ADAMTSL3: variants seen among roughly 807,000 people sequenced by gnomAD.
ADAMTSL3 encodes ADAMTS like 3.
Under a neutral mutation model 201.7 loss-of-function variants are expected in ADAMTSL3, and 128 were observed. The ratio of observed to expected loss-of-function variants is 0.63; its 90% CI spans 0.55 to 0.73. ADAMTSL3 has a LOEUF of 0.73. Ranked by LOEUF, ADAMTSL3 falls within the 30% of genes least tolerant of loss-of-function variation. ADAMTSL3 has a pLI of 0.00. For missense variants in ADAMTSL3, 1,990 were observed against 2,119.6 expected (o/e 0.94, Z 1.20); for synonymous variants, 738 against 748.4 (o/e 0.99, Z 0.23).
intron 7 of ADAMTSL3, among the ~76,000 whole-genome samples, chr15:83,845,933 T>C (rs952839467): frequency 2.0e-5 from 3 of 152,184 alleles, no homozygotes; most frequent in African/African-American, 7.2e-5. Flanking sequence ...AAGAACCTCA[T>C]GCACCTGGCC....
At chr15:83,748,212 A>G (rs73437208) in intron 3 of ADAMTSL3, among the ~76,000 whole-genome samples, 3,911 of 152,290 alleles carry the variant, frequency 0.026, 172 homozygotes, top group African/African-American at 0.086. Flanking sequence ...TTAGGGAACT[A>G]TAGTCTAGCA....
chr15:83,843,254 A>T (rs117126689), intron 7 of ADAMTSL3, among the ~76,000 whole-genome samples: 36 of 150,348 alleles, frequency 2.4e-4, no homozygotes, highest in African/African-American at 6.4e-4. Flanking sequence ...TTTTTTTTAA[A>T]AAAAATCAAT....
intron 3 of ADAMTSL3, among the ~76,000 whole-genome samples, chr15:83,722,358 C>T (rs1323490675): frequency 6.6e-6 from 1 of 152,126 alleles, no homozygotes; most frequent in Non-Finnish European, 1.5e-5. Flanking sequence ...TGCTATAAGA[C>T]AGCTTTGATT....
intron 2 of ADAMTSL3, among the ~76,000 whole-genome samples, chr15:83,665,025 A>G (rs1749916488): frequency 6.6e-6 from 1 of 152,170 alleles, no homozygotes; most frequent in East Asian, 1.9e-4. Flanking sequence ...TTGCGACACC[A>G]TTGGACCATG....
At chr15:83,831,306 C>A (rs1375205702) in intron 6 of ADAMTSL3, among the ~76,000 whole-genome samples, 1 of 152,036 alleles carries the variant, frequency 6.6e-6, no homozygotes, top group Non-Finnish European at 1.5e-5. Flanking sequence ...CACAAGTCAA[C>A]CCACTACACA....
At chr15:83,829,445 C>CT (rs1231975044) in intron 6 of ADAMTSL3, among the ~76,000 whole-genome samples, 16 of 152,220 alleles carry the variant, frequency 1.1e-4, no homozygotes, top group African/African-American at 3.9e-4. Context: ...TGCTAGCAGT[C>CT]TATCAATTTT....
chr15:83,658,232 C>T (rs1009388438), intron 2 of ADAMTSL3, among the ~76,000 whole-genome samples: 2 of 152,156 alleles, frequency 1.3e-5, no homozygotes, highest in African/African-American at 4.8e-5. Context: ...GTCTCAGCCT[C>T]TGAGTAGCTG....
chr15:83,777,397 C>G (rs1596188897), intron 4 of ADAMTSL3, among the ~76,000 whole-genome samples: 1 of 152,116 alleles, frequency 6.6e-6, no homozygotes, highest in South Asian at 2.1e-4. Flanking sequence ...AACATTTTGG[C>G]CCCTGCAGTG....
At chr15:83,789,640 A>G (rs1301444377) in intron 4 of ADAMTSL3, among the ~76,000 whole-genome samples, 1 of 152,112 alleles carries the variant, frequency 6.6e-6, no homozygotes, top group Non-Finnish European at 1.5e-5. Context: ...TGAGTCCAAT[A>G]TTTTAGGAAC....
chr15:83,883,716 C>T lies in ADAMTSL3; in HGVS notation c.961-1385C>T, dbSNP rs546909216. Reference sequence around the variant, plus strand: ...AGCTGGGACTACAGGTGCATGCCACCACACCTGGCTAATTTTAAACTTTTT... The same window carrying T: ...AGCTGGGACTACAGGTGCATGCCACTACACCTGGCTAATTTTAAACTTTTT... On this transcript the variant is annotated intron_variant, in intron 9 of 29. Coordinates refer to ENST00000286744, the MANE Select transcript of ADAMTSL3 (RefSeq NM_207517.3). Among the ~76,000 whole-genome samples the T allele has an allele frequency of 2.9e-4, 44 of 151,868 alleles. No homozygotes were observed. The South Asian group carries it at 9.2e-3, about 32-fold the overall frequency.
At chr15:83,827,926 T>C (rs1195874229) in intron 6 of ADAMTSL3, among the ~76,000 whole-genome samples, 1 of 152,242 alleles carries the variant, frequency 6.6e-6, no homozygotes, top group African/African-American at 2.4e-5. Flanking sequence ...TGTAGCCTTG[T>C]AGTATAGTTT....
chr15:83,792,149 T>G (rs1295030035), intron 4 of ADAMTSL3, among the ~76,000 whole-genome samples: 1 of 152,052 alleles, frequency 6.6e-6, no homozygotes, highest in Non-Finnish European at 1.5e-5. Flanking sequence ...CCAAAATATA[T>G]GACAAACTCA....
At chr15:83,983,671 TTATTAA>T (rs1180384115) in intron 21 of ADAMTSL3, among the ~76,000 whole-genome samples, 14 of 152,338 alleles carry the variant, frequency 9.2e-5, no homozygotes, top group Admixed American at 5.9e-4. Flanking sequence ...AAAAGTAAGC[TTATTAA>T]TAGTAATCCT....
At chr15:83,970,761 A>T in intron 20 of ADAMTSL3, 124 bp downstream of exon 20, 1 of 1,262,660 alleles carries the variant, frequency 7.9e-7, no homozygotes, top group South Asian at 1.5e-5. Flanking sequence ...AGCTGTACTC[A>T]GTGTTGTTTT....
intron 7 of ADAMTSL3, among the ~76,000 whole-genome samples, chr15:83,852,446 A>G (rs1204583667): frequency 6.6e-6 from 1 of 152,192 alleles, no homozygotes; most frequent in African/African-American, 2.4e-5. Flanking sequence ...ATAAAAGGAC[A>G]TTACATAATT....
At chr15:83,960,126 A>G (rs139046766) in intron 19 of ADAMTSL3, among the ~76,000 whole-genome samples, 179 of 152,342 alleles carry the variant, frequency 1.2e-3, no homozygotes, top group African/African-American at 4.1e-3. Flanking sequence ...TTTATTCAAA[A>G]GCTTACAAAA....
At chr15:83,699,102 G>A (rs1240848477) in intron 2 of ADAMTSL3, among the ~76,000 whole-genome samples, 1 of 151,796 alleles carries the variant, frequency 6.6e-6, no homozygotes, top group Non-Finnish European at 1.5e-5. Context: ...GTAAATATAT[G>A]TAAATATACA....
chr15:83,910,873 C>G (rs2065919935), intron 15 of ADAMTSL3, among the ~76,000 whole-genome samples: 5 of 151,630 alleles, frequency 3.3e-5, no homozygotes, highest in Admixed American at 3.3e-4. Flanking sequence ...CTCCTGACCT[C>G]AGGTGATTCG....
chr15:83,847,863 T>C (rs2064531448), intron 7 of ADAMTSL3, among the ~76,000 whole-genome samples: 1 of 152,036 alleles, frequency 6.6e-6, no homozygotes, highest in Non-Finnish European at 1.5e-5. Context: ...ACAAACACTT[T>C]TTTTTTTTTC....
Sources: gnomAD v4.1 joint callset for allele counts (sites outside exome capture counted in the v4.1 genomes callset) on GRCh38, gnomAD v4.1.1 for gene constraint, MANE v1.5 for transcripts, NCBI Gene and HGNC (gene_info 2026-07-23, HGNC 2026-07-21) for gene names.